Variants in SOAT1 observed in about 807,000 individuals in gnomAD.
SOAT1 encodes the protein acyl-coenzyme A:cholesterol acyltransferase 1.
Under a neutral mutation model 69.5 loss-of-function variants are expected in SOAT1, and 55 were observed. The ratio of observed to expected loss-of-function variants is 0.79; its 90% confidence interval spans 0.64 to 0.99. SOAT1 has a LOEUF of 0.99. Ranked by LOEUF, SOAT1 falls within the 50% of genes least tolerant of loss-of-function variation. The pLI is 0.00. For missense variants in SOAT1, 580 were observed against 669.3 expected (o/e 0.87, Z 1.47); for synonymous variants, 231 against 224.7 (o/e 1.03, Z -0.25).
intron 2 of SOAT1, among the ~76,000 whole-genome samples, chr1:179,317,934 C>G (rs1435427946): frequency 6.6e-6 from 1 of 152,026 alleles, no homozygotes. Flanking sequence ...TGCCTATAAT[C>G]TCAGCATTTT....
At chr1:179,313,730 A>C (rs929529971) in intron 2 of SOAT1, among the ~76,000 whole-genome samples, 1 of 152,134 alleles carries the variant, frequency 6.6e-6, no homozygotes, top group Non-Finnish European at 1.5e-5. Context: ...GATTATAGGC[A>C]TGCGCCACCA....
chr1:179,348,795 TG>T, intron 12 of SOAT1, 48 bp from the exon 13 acceptor site: 1 of 763,364 alleles, frequency 1.3e-6, no homozygotes, highest in Admixed American at 1.9e-5. Flanking sequence ...TGTGTGTGTG[TG>T]TGTGTGTGTG....
intron 8 of SOAT1, among the ~76,000 whole-genome samples, 173 bp downstream of exon 8, chr1:179,342,365 T>A (rs911031971): frequency 3.3e-5 from 5 of 151,544 alleles, no homozygotes; most frequent in Non-Finnish European, 7.4e-5. Context: ...TTGTGTAATT[T>A]CATTAGTTTA....
chr1:179,303,599 C>G (rs1185831130), intron 2 of SOAT1, among the ~76,000 whole-genome samples: 1 of 152,130 alleles, frequency 6.6e-6, no homozygotes, highest in East Asian at 1.9e-4. Flanking sequence ...TTTTTCCTAC[C>G]TAAATTTAAT....
At chr1:179,338,542 A>G (rs1458375752) in intron 5 of SOAT1, among the ~76,000 whole-genome samples, 1 of 152,322 alleles carries the variant, frequency 6.6e-6, no homozygotes, top group Non-Finnish European at 1.5e-5. Flanking sequence ...CTAAGCATGT[A>G]ATGTGCTGTT....
At chr1:179,343,160 A>C (rs1474536682) in intron 9 of SOAT1, among the ~76,000 whole-genome samples, 1 of 152,012 alleles carries the variant, frequency 6.6e-6, no homozygotes, top group Non-Finnish European at 1.5e-5. Context: ...ATATGGTCAT[A>C]AATGATGTTC....
At position 179,342,927 on chromosome 1, in the gene SOAT1, C is replaced by T. The variant is rs372401248; in HGVS notation, c.925C>T (p.Arg309Cys). ...YFLFAPTLIY[R>C]DSYPRNPTVR... Reference sequence around the variant, plus strand: ...CTTATTTGCTCCTACCCTTATCTACCGTGACAGCTATCCCAGGTAATGGTA... The same window carrying T: ...CTTATTTGCTCCTACCCTTATCTACTGTGACAGCTATCCCAGGTAATGGTA... The change falls in exon 9 of 16, where the codon CGT becomes TGT. Residue 309 changes from arginine to cysteine, a missense_variant. Coordinates refer to ENST00000367619, the MANE Select transcript of SOAT1 (RefSeq NM_003101.6). 4.5e-5 allele frequency: 72 copies of T among 1,612,876 alleles called. No individual in the cohort carries two copies. Among genetic ancestry groups the T allele is most frequent in the Non-Finnish European group, 5.9e-5 (69 of 1,178,982 alleles).
At chr1:179,323,041 C>CTTTTTTT (rs1665658486) in intron 2 of SOAT1, among the ~76,000 whole-genome samples, 2 of 98,718 alleles carry the variant, frequency 2.0e-5, no homozygotes, top group East Asian at 3.1e-4. Flanking sequence ...CTTTTCTTTT[C>CTTTTTTT]TTTCTTTTTT....
chr1:179,343,005 A>G (rs1393991925), intron 9 of SOAT1, 62 bp downstream of exon 9: 25 of 1,295,802 alleles, frequency 1.9e-5, no homozygotes, highest in Non-Finnish European at 2.8e-5. Flanking sequence ...GTGAGGTGGG[A>G]TAGGTAAACA....
At chr1:179,315,346 C>G (rs1179680092) in intron 2 of SOAT1, among the ~76,000 whole-genome samples, 1 of 151,510 alleles carries the variant, frequency 6.6e-6, no homozygotes, top group African/African-American at 2.4e-5. Context: ...TGCCTGTAGT[C>G]CTAGGTACTT....
intron 7 of SOAT1, 21 bp downstream of exon 7, chr1:179,341,331 C>G: frequency 6.2e-7 from 1 of 1,604,700 alleles, no homozygotes; most frequent in South Asian, 1.1e-5. Flanking sequence ...AAGTGTTACC[C>G]AAGGCGATGC....
chr1:179,326,182 T>G (rs1665783646), intron 3 of SOAT1, among the ~76,000 whole-genome samples: 1 of 152,208 alleles, frequency 6.6e-6, no homozygotes, highest in East Asian at 1.9e-4. Flanking sequence ...GGCTAGATTA[T>G]AAAGCATTTT....
At chr1:179,344,473 C>G (rs997667404) in intron 10 of SOAT1, among the ~76,000 whole-genome samples, 1 of 145,034 alleles carries the variant, frequency 6.9e-6, no homozygotes, top group African/African-American at 2.5e-5. Context: ...CTCCTGTGTT[C>G]AAACGATTCT....
rs756345786 is a variant in SOAT1 at position 179,344,949 on chromosome 1, C to G, written c.990C>G (p.Val330=). ...ATTCTGTCTCTGTTATGTTCCAGGTCTTTGGTTGCTTTTTCTATGTGTACT... is the reference window on the plus strand; with the variant it reads ...ATTCTGTCTCTGTTATGTTCCAGGTGTTTGGTTGCTTTTTCTATGTGTACT... ...WGYVAMKFAQ[V]FGCFFYVYYI... The change falls in exon 11 of 16, where the codon GTC becomes GTG. Residue 330 remains valine, a splice_region_variant and synonymous_variant. Transcript: ENST00000367619. 6.2e-7 allele frequency: 1 copy of G among 1,613,922 alleles called. No homozygotes were observed. Among genetic ancestry groups the G allele is most frequent in the East Asian group, 2.2e-5 (1 of 44,868 alleles).
intron 1 of SOAT1, among the ~76,000 whole-genome samples, chr1:179,294,734 G>A (rs547658316): frequency 1.1e-4 from 16 of 152,262 alleles, no homozygotes; most frequent in African/African-American, 3.6e-4. Context: ...GTTTCACCAT[G>A]TTGGACCAGG....
chr1:179,316,684 C>G (rs1237911373), intron 2 of SOAT1, among the ~76,000 whole-genome samples: 1 of 152,186 alleles, frequency 6.6e-6, no homozygotes, highest in African/African-American at 2.4e-5. Flanking sequence ...TGAGCCACCA[C>G]GCCTGGCACT....
At chr1:179,297,202 T>C (rs1466967606) in intron 1 of SOAT1, among the ~76,000 whole-genome samples, 3 of 152,248 alleles carry the variant, frequency 2.0e-5, no homozygotes, top group Admixed American at 6.5e-5. Context: ...ACTAGTCTTA[T>C]GATCACTGTT....
chr1:179,325,973 G>A (rs1309982111), intron 3 of SOAT1, among the ~76,000 whole-genome samples: 1 of 152,196 alleles, frequency 6.6e-6, no homozygotes, highest in African/African-American at 2.4e-5. Flanking sequence ...CCCTGGTTTA[G>A]CTAGTATTAA....
chr1:179,306,830 CAAA>C (rs11461908), intron 2 of SOAT1, among the ~76,000 whole-genome samples: 2 of 96,650 alleles, frequency 2.1e-5, no homozygotes, highest in South Asian at 3.7e-4. Flanking sequence ...GACTCCATCT[CAAA>C]AAAAAAAAAA....
Sources: gnomAD v4.1 joint callset for allele counts (sites outside exome capture counted in the v4.1 genomes callset) on GRCh38, gnomAD v4.1.1 for gene constraint, MANE v1.5 for transcripts, NCBI Gene and HGNC (gene_info 2026-07-23, HGNC 2026-07-21) for gene names.